The following TMCO6 variants were observed in gnomAD, a reference collection of about 807,000 sequenced individuals.
TMCO6 encodes the protein transmembrane and coiled-coil domain-containing protein 6.
Under a neutral mutation model 61.8 loss-of-function variants are expected in TMCO6, and 47 were observed. The observed-to-expected ratio is 0.76, with a 90% CI of 0.60 to 0.97. The LOEUF (loss-of-function observed/expected upper bound fraction) is 0.97, where lower values mean the gene tolerates loss of function less well. Among genes scored for constraint, TMCO6 ranks in the 50% least tolerant of loss-of-function variants. TMCO6 has a pLI of 0.00. For synonymous variants in TMCO6, 261 were observed against 254.2 expected, an observed-to-expected ratio of 1.03 and a Z score of -0.25; for missense variants, 557 against 601.6, an observed-to-expected ratio of 0.93 and a Z score of 0.78.
At chr5:140,597,178 G>A in the TMCO6 span, among the ~76,000 whole-genome samples, 4,737 of 152,288 alleles carry the variant, frequency 0.031, 232 homozygotes, top group African/African-American at 0.1. Flanking sequence ...TACAGCAATA[G>A]TACCAACATG....
chr5:140,642,641 A>T lies in TMCO6; in HGVS notation c.659A>T (p.Gln220Leu), dbSNP rs767760700. 1 of 1,614,110 alleles carries T rather than the reference A, an allele frequency of 6.2e-7. No homozygotes were observed. The highest frequency in any genetic ancestry group is 8.5e-7 in the Non-Finnish European group (1 of 1,180,052). Residue 220 changes from glutamine (Q) to leucine (L), a missense_variant, in exon 6 of 12, where the codon CAG (glutamine) becomes CTG (leucine). Coordinates refer to ENST00000394671, the MANE Select transcript of TMCO6 (RefSeq NM_018502.5). ...GGATATGCCTTGTCCCAGCTTCTACAGGCTGAGGAAGCTCCAGAGAAGATC... is the reference window on the plus strand; with the variant it reads ...GGATATGCCTTGTCCCAGCTTCTACTGGCTGAGGAAGCTCCAGAGAAGATC... Reference protein sequence around the residue: ...ALGYALSQLLQAEEAPEKIIP... With the variant: ...ALGYALSQLLLAEEAPEKIIP...
chr5:140,647,231 C>T (rs368235386), downstream of TMCO6: 16 of 1,526,120 alleles, frequency 1.0e-5, no homozygotes, highest in African/African-American at 1.1e-4. Context: ...ACCGGAGCCC[C>T]AGACCCCTGG....
the TMCO6 span, among the ~76,000 whole-genome samples, chr5:140,608,435 C>A: frequency 1.3e-5 from 2 of 152,120 alleles, no homozygotes; most frequent in Non-Finnish European, 2.9e-5. Context: ...GCAACATTTT[C>A]TCCCATTTTG....
upstream of TMCO6, chr5:140,638,838 T>C (rs945981367): frequency 6.6e-6 from 1 of 152,380 alleles, no homozygotes; most frequent in Non-Finnish European, 1.5e-5. Flanking sequence ...ATTACAGGCA[T>C]GAGCCACCAG....
chr5:140,609,419 G>T, the TMCO6 span: 1 of 211,490 alleles, frequency 4.7e-6, no homozygotes, highest in South Asian at 7.0e-5. Context: ...CCTCCCCTGT[G>T]AGCATAATAA....
At chr5:140,619,387 C>G in the TMCO6 span, among the ~76,000 whole-genome samples, 1 of 152,136 alleles carries the variant, frequency 6.6e-6, no homozygotes, top group Non-Finnish European at 1.5e-5. Flanking sequence ...ACAAATAAAA[C>G]AGCTTGGGCA....
At position 140,643,817 on chromosome 5, in the gene TMCO6, T is replaced by A. The variant is rs1389945051; in HGVS notation, c.956T>A (p.Leu319Gln). The A allele has an allele frequency of 6.2e-7, 1 of 1,614,106 alleles. No homozygotes were observed. Among genetic ancestry groups the A allele is most frequent in the African/African-American group, 1.3e-5 (1 of 74,944 alleles). Residue 319 changes from leucine to glutamine, a missense_variant, in exon 9 of 12, where the codon CTA (leucine) becomes CAA (glutamine). Leu to Gln is a moderately radical substitution (Grantham distance 113). Coordinates refer to ENST00000394671, the MANE Select transcript of TMCO6 (RefSeq NM_018502.5). The stretch of plus-strand genomic sequence containing the variant: ...GTGCTTCGATGTCTAAGCAACCTGC[T>A]AACTGAGGCAGCAGTGGAGACTGTG... Reference protein sequence around the residue: ...CPVLRCLSNLLTEAAVETVGG... With the variant: ...CPVLRCLSNLQTEAAVETVGG...
chr5:140,610,390 G>A, the TMCO6 span, among the ~76,000 whole-genome samples: 1 of 151,942 alleles, frequency 6.6e-6, no homozygotes, highest in Non-Finnish European at 1.5e-5. Context: ...TAGGAACAAT[G>A]GTCTCCTTGT....
chr5:140,625,699 G>A, the TMCO6 span, among the ~76,000 whole-genome samples: 2 of 152,198 alleles, frequency 1.3e-5, no homozygotes, highest in African/African-American at 4.8e-5. Context: ...CTCACTATAA[G>A]TGCTTTGTCC....
chr5:140,620,099 T>G, the TMCO6 span, among the ~76,000 whole-genome samples: 1 of 152,354 alleles, frequency 6.6e-6, no homozygotes. Flanking sequence ...GCAGCTTTAT[T>G]CATAATTGCC....
At chr5:140,643,397 A>G in intron 7 of TMCO6, 167 bp from the exon 8 acceptor site, 1 of 706,034 alleles carries the variant, frequency 1.4e-6, no homozygotes, top group Non-Finnish European at 2.5e-6. Context: ...GAGTTTCGCC[A>G]TGTTGGCCAG....
At chr5:140,640,040 C>T (rs1434288887) in intron 2 of TMCO6, among the ~76,000 whole-genome samples, 189 bp downstream of exon 2, 3 of 152,222 alleles carry the variant, frequency 2.0e-5, no homozygotes, top group African/African-American at 7.2e-5. Context: ...GATCCATCAT[C>T]AAGTCCTAGT....
chr5:140,618,159 G>A, the TMCO6 span, among the ~76,000 whole-genome samples: 11 of 152,240 alleles, frequency 7.2e-5, no homozygotes, highest in East Asian at 3.9e-4. Context: ...GGCCGCACGC[G>A]GTGGCTCACA....
At chr5:140,616,602 CTG>C in the TMCO6 span, among the ~76,000 whole-genome samples, 1 of 152,236 alleles carries the variant, frequency 6.6e-6, no homozygotes, top group East Asian at 1.9e-4. Flanking sequence ...AAATAAGACT[CTG>C]TGCATCAAAG....
the TMCO6 span, among the ~76,000 whole-genome samples, chr5:140,620,673 G>A: frequency 6.6e-6 from 1 of 152,166 alleles, no homozygotes. Context: ...CAATTTTGCT[G>A]TGAATCTAAA....
At chr5:140,622,166 G>A in the TMCO6 span, among the ~76,000 whole-genome samples, 1 of 152,026 alleles carries the variant, frequency 6.6e-6, no homozygotes, top group Non-Finnish European at 1.5e-5. Flanking sequence ...GGGGCATCAC[G>A]GAACCTACCG....
chr5:140,640,068 G>C (rs1756924837), intron 2 of TMCO6, among the ~76,000 whole-genome samples: 1 of 152,166 alleles, frequency 6.6e-6, no homozygotes, highest in African/African-American at 2.4e-5. Context: ...CTCCTGAAGA[G>C]CTTTGGAGTC....
chr5:140,604,055 T>G, the TMCO6 span, among the ~76,000 whole-genome samples: 1 of 152,208 alleles, frequency 6.6e-6, no homozygotes, highest in South Asian at 2.1e-4. Flanking sequence ...TGTGTAGTGA[T>G]ATCTCATTGT....
the TMCO6 span, among the ~76,000 whole-genome samples, chr5:140,613,635 A>G: frequency 6.6e-6 from 1 of 151,320 alleles, no homozygotes; most frequent in African/African-American, 2.4e-5. Flanking sequence ...CTCCAGCAGG[A>G]CTCCCTTTTC....
Sources: allele counts gnomAD v4.1 joint callset (sites outside exome capture counted in the v4.1 genomes callset), GRCh38; gene constraint gnomAD v4.1.1; transcripts MANE v1.5; gene names NCBI Gene and HGNC (gene_info 2026-07-23, HGNC 2026-07-21).